The following EBF2 variants were observed in gnomAD, a reference collection of about 807,000 sequenced individuals.
The protein encoded by EBF2 is transcription factor COE2.
In EBF2, 21 loss-of-function variants were observed where a neutral mutation model predicts 72.8. The observed-to-expected ratio is 0.29, with a 90% CI of 0.20 to 0.42. EBF2 has a LOEUF of 0.42. Ranked by LOEUF, EBF2 falls within the 10% of genes least tolerant of loss-of-function variation. EBF2 has a pLI of 1.00. For synonymous variants in EBF2, 299 were observed against 274.2 expected, an observed-to-expected ratio of 1.09 and a Z score of -0.89; for missense variants, 637 against 731.2, an observed-to-expected ratio of 0.87 and a Z score of 1.49.
intron 5 of EBF2, among the ~76,000 whole-genome samples, chr8:26,039,675 A>T (rs1484535774): frequency 1.3e-5 from 2 of 151,978 alleles, no homozygotes; most frequent in Non-Finnish European, 2.9e-5. Context: ...GAAATCTACC[A>T]CAAGAGGCCC....
chr8:25,982,849 T>C (rs1175472983), intron 6 of EBF2, among the ~76,000 whole-genome samples: 1 of 152,110 alleles, frequency 6.6e-6, no homozygotes, highest in Non-Finnish European at 1.5e-5. Flanking sequence ...CTGTGCTCTA[T>C]TATTTTGTAA....
intron 5 of EBF2, among the ~76,000 whole-genome samples, chr8:26,034,561 G>A (rs77754627): frequency 0.013 from 1,968 of 152,262 alleles, 39 homozygotes; most frequent in African/African-American, 0.043. Context: ...TGTGAGAAGG[G>A]CAAAGGAAGC....
intron 6 of EBF2, among the ~76,000 whole-genome samples, chr8:25,947,376 C>T (rs6987582): frequency 0.65 from 98,444 of 152,028 alleles, 32,345 homozygotes; most frequent in East Asian, 0.91. Flanking sequence ...CCGTGTGTAA[C>T]GGTGAGTCAA....
chr8:26,005,812 C>A (rs1804871125), intron 6 of EBF2, among the ~76,000 whole-genome samples: 1 of 122,990 alleles, frequency 8.1e-6, no homozygotes. Flanking sequence ...GCATGAGCAA[C>A]AGAGCAAGAC....
chr8:25,989,815 C>A (rs958649146), intron 6 of EBF2, among the ~76,000 whole-genome samples: 2 of 152,202 alleles, frequency 1.3e-5, no homozygotes, highest in African/African-American at 4.8e-5. Flanking sequence ...TGCTCCTATA[C>A]TCACCAGTGA....
At chr8:25,936,025 C>G (rs993498367) in intron 6 of EBF2, among the ~76,000 whole-genome samples, 1 of 152,142 alleles carries the variant, frequency 6.6e-6, no homozygotes, top group Non-Finnish European at 1.5e-5. Flanking sequence ...AACTTCTGCG[C>G]ATTAGGAGCC....
chr8:25,928,356 C>G (rs930693826), intron 6 of EBF2, among the ~76,000 whole-genome samples: 1 of 152,094 alleles, frequency 6.6e-6, no homozygotes, highest in Non-Finnish European at 1.5e-5. Context: ...GCAAGAGAAC[C>G]CATGCAGATC....
intron 6 of EBF2, among the ~76,000 whole-genome samples, chr8:25,959,816 A>G (rs931187717): frequency 4.6e-5 from 7 of 152,190 alleles, no homozygotes; most frequent in African/African-American, 1.7e-4. Context: ...AAGGGCTTAC[A>G]GTCAGGAATG....
intron 6 of EBF2, among the ~76,000 whole-genome samples, chr8:25,971,133 C>G (rs901328711): frequency 6.6e-6 from 1 of 152,210 alleles, no homozygotes; most frequent in Non-Finnish European, 1.5e-5. Flanking sequence ...CTGCACCCAG[C>G]AACCACCACT....
intron 6 of EBF2, among the ~76,000 whole-genome samples, chr8:25,987,447 C>T (rs1270536844): frequency 1.3e-5 from 2 of 152,154 alleles, no homozygotes. Context: ...CTCTTCATCA[C>T]TCTATGGCTG....
intron 6 of EBF2, among the ~76,000 whole-genome samples, chr8:25,928,536 T>C (rs1803426453): frequency 6.6e-6 from 1 of 152,140 alleles, no homozygotes; most frequent in South Asian, 2.1e-4. Flanking sequence ...AGCTGTACCA[T>C]GTGATCAATT....
chr8:25,986,023 A>AAAAAAAAAAAAAAAAAAAC (rs1804448745), intron 6 of EBF2, among the ~76,000 whole-genome samples: 1 of 144,312 alleles, frequency 6.9e-6, no homozygotes, highest in Non-Finnish European at 1.5e-5. Context: ...AAAAAAAAAA[A>AAAAAAAAAAAAAAAAAAAC]AAGTACATGA....
intron 7 of EBF2, among the ~76,000 whole-genome samples, chr8:25,907,084 T>C (rs1426627607): frequency 1.3e-5 from 2 of 151,904 alleles, no homozygotes; most frequent in Non-Finnish European, 2.9e-5. Flanking sequence ...CTACATAATT[T>C]GTAGGGTTCA....
chr8:25,860,990 C>A (rs2117261949), intron 13 of EBF2, 59 bp downstream of exon 13: 1 of 1,605,240 alleles, frequency 6.2e-7, no homozygotes, highest in East Asian at 2.2e-5. Context: ...ACTCTGTCCA[C>A]TCCAGCAGAA....
chr8:26,021,946 T>C (rs571914180), intron 6 of EBF2, among the ~76,000 whole-genome samples: 7 of 152,360 alleles, frequency 4.6e-5, no homozygotes, highest in South Asian at 2.1e-4. Context: ...GTGTATCTTC[T>C]GAAGTGAGAG....
At chr8:25,877,160 C>G (rs1378387608) in intron 10 of EBF2, among the ~76,000 whole-genome samples, 1 of 152,182 alleles carries the variant, frequency 6.6e-6, no homozygotes, top group African/African-American at 2.4e-5. Flanking sequence ...AAATACCATG[C>G]TCTGATATCC....
intron 7 of EBF2, among the ~76,000 whole-genome samples, chr8:25,898,697 A>G (rs963704283): frequency 1.7e-4 from 26 of 152,152 alleles, no homozygotes; most frequent in African/African-American, 4.8e-4. Flanking sequence ...AACATATTTG[A>G]TGCAGTTCTT....
chr8:25,882,294 C>A (rs140326567), intron 10 of EBF2, among the ~76,000 whole-genome samples: 2 of 152,036 alleles, frequency 1.3e-5, no homozygotes, highest in Admixed American at 1.3e-4. Context: ...GCATGCCCTG[C>A]GAGGGGAACA....
At chr8:25,884,432 A>G (rs1802656615) in intron 10 of EBF2, among the ~76,000 whole-genome samples, 1 of 152,176 alleles carries the variant, frequency 6.6e-6, no homozygotes, top group Non-Finnish European at 1.5e-5. Flanking sequence ...AGCTGGCGCC[A>G]TCCTGGGATT....
Sources: gnomAD v4.1 joint callset for allele counts (sites outside exome capture counted in the v4.1 genomes callset) on GRCh38, gnomAD v4.1.1 for gene constraint, MANE v1.5 for transcripts, NCBI Gene and HGNC (gene_info 2026-07-23, HGNC 2026-07-21) for gene names.